Variants in ZBTB20 observed in about 807,000 individuals in gnomAD.
The protein encoded by ZBTB20 is zinc finger and BTB domain containing 20.
A neutral mutation model predicts 56.9 loss-of-function variants in ZBTB20; 9 were observed. The observed-to-expected ratio is 0.16, with a 90% CI of 0.10 to 0.28. The LOEUF (loss-of-function observed/expected upper bound fraction) is 0.28, where lower values mean the gene tolerates loss of function less well. ZBTB20 is among the 10% of genes least tolerant of loss of function. ZBTB20 has a pLI of 1.00. For missense variants in ZBTB20, 655 were observed against 1,003.0 expected (o/e 0.65, Z 4.69); for synonymous variants, 417 against 420.7 (o/e 0.99, Z 0.11).
intron 7 of ZBTB20, among the ~76,000 whole-genome samples, chr3:114,444,426 TC>T (rs2091136149): frequency 6.6e-6 from 1 of 152,162 alleles, no homozygotes; most frequent in Non-Finnish European, 1.5e-5. Flanking sequence ...CCCTGCCACA[TC>T]CGAGGTGAGG....
rs970077758 is a variant in ZBTB20, at chr3:115,127,331, T to G, written c.-703+19888A>C. On this transcript the variant is annotated intron_variant, in intron 1 of 11. Coordinates refer to ENST00000675478, the MANE Select transcript of ZBTB20 (RefSeq NM_001348800.3). ...CAGTTCAGGTGTGGTAGCTCACATT[T>G]GTAATCCCAGCACTTTGGGAGGCTA... is the stretch of plus-strand genomic sequence containing the variant. 2.6e-5 allele frequency among the ~76,000 whole-genome samples: 4 copies of G among 152,222 alleles called. No homozygotes were observed. In the East Asian group the frequency reaches 7.7e-4, roughly 29 times the overall value.
intron 2 of ZBTB20, among the ~76,000 whole-genome samples, chr3:115,009,116 T>A (rs2108252463): frequency 6.6e-6 from 1 of 152,080 alleles, no homozygotes; most frequent in East Asian, 1.9e-4. Context: ...TGTTCTTGAA[T>A]TTTCTTCTGT....
At chr3:114,923,037 T>A (rs2076019014) in intron 3 of ZBTB20, among the ~76,000 whole-genome samples, 1 of 152,112 alleles carries the variant, frequency 6.6e-6, no homozygotes, top group Non-Finnish European at 1.5e-5. Flanking sequence ...GATGAAGAAT[T>A]GGTACACTGA....
At chr3:114,830,987 A>C (rs1392090993) in intron 4 of ZBTB20, among the ~76,000 whole-genome samples, 1 of 151,596 alleles carries the variant, frequency 6.6e-6, no homozygotes, top group East Asian at 1.9e-4. Context: ...TATCTCCTGC[A>C]ATTCCTACCT....
chr3:114,380,959 G>A lies in ZBTB20; in HGVS notation c.-153-19C>T, dbSNP rs1478616532. 1 of 442,286 alleles carries A rather than the reference G, an allele frequency of 2.3e-6. No homozygotes were observed. The highest frequency in any genetic ancestry group is 3.9e-6 in the Non-Finnish European group (1 of 258,308). 27.4% of individuals were successfully genotyped at this position (442,286 alleles called of 1,614,324 possible). On this transcript the variant is annotated intron_variant, in intron 8 of 11. Coordinates refer to ENST00000675478, the MANE Select transcript of ZBTB20 (RefSeq NM_001348800.3). ...TCCTCATCTGTAAAATAAAGGGCTT[G>A]GATTAGAAGGCCTTAAAGGTTCCTT...
chr3:115,041,622 T>C (rs1432072243), intron 2 of ZBTB20, among the ~76,000 whole-genome samples: 2 of 152,304 alleles, frequency 1.3e-5, no homozygotes, highest in Non-Finnish European at 2.9e-5. Context: ...TTATGACCAA[T>C]ATTTAGTTAT....
intron 4 of ZBTB20, among the ~76,000 whole-genome samples, chr3:114,854,815 T>C (rs2075166183): frequency 6.6e-6 from 1 of 152,238 alleles, no homozygotes; most frequent in South Asian, 2.1e-4. Context: ...AATGGATACA[T>C]TGCTGCACTC....
chr3:114,590,284 C>T (rs767492766), intron 6 of ZBTB20, among the ~76,000 whole-genome samples: 8 of 151,782 alleles, frequency 5.3e-5, no homozygotes, highest in Admixed American at 2.6e-4. Flanking sequence ...GGTGAAACCC[C>T]GTCTCTACTA....
At chr3:114,374,342 G>A (rs147537461) in intron 10 of ZBTB20, among the ~76,000 whole-genome samples, 46 of 152,314 alleles carry the variant, frequency 3.0e-4, no homozygotes, top group African/African-American at 1.1e-3. Flanking sequence ...AGAGCACTTA[G>A]TTGTACCAAA....
At chr3:114,599,710 C>T (rs1420239189) in intron 6 of ZBTB20, among the ~76,000 whole-genome samples, 1 of 151,980 alleles carries the variant, frequency 6.6e-6, no homozygotes. Flanking sequence ...ATTATTGTTG[C>T]TGTTATTCCC....
At chr3:114,918,955 T>C (rs1459513670) in intron 3 of ZBTB20, among the ~76,000 whole-genome samples, 2 of 152,306 alleles carry the variant, frequency 1.3e-5, no homozygotes, top group South Asian at 2.1e-4. Flanking sequence ...GTTGCAGTCC[T>C]TGTGGCTCAG....
intron 6 of ZBTB20, among the ~76,000 whole-genome samples, chr3:114,502,576 G>A (rs2044127077): frequency 6.6e-6 from 1 of 152,136 alleles, no homozygotes; most frequent in South Asian, 2.1e-4. Context: ...TTTTAGGCAA[G>A]AGAATTAGAT....
rs937696165 is a variant in ZBTB20, at chr3:114,338,710, A to G, written c.*295T>C. The G allele has an allele frequency of 3.8e-6, 1 of 260,688 alleles. No homozygotes were observed. The highest frequency in any genetic ancestry group is 6.7e-5 in the East Asian group (1 of 14,820). The allele number at this position is 260,688 out of a possible 1,614,324, so 16.1% of individuals were successfully genotyped here. A position where few individuals can be genotyped will look rare whatever the true frequency, so the allele number is the denominator to read the frequency against. ...TTTTTTGTAAAGAAGGGTTGTATTTAGAGGCCAGTAGCTAGAGATCCAACC... is the reference window on the plus strand; with the variant it reads ...TTTTTTGTAAAGAAGGGTTGTATTTGGAGGCCAGTAGCTAGAGATCCAACC... On this transcript the variant is annotated 3_prime_UTR_variant, in exon 12 of 12. Transcript: ENST00000675478.
intron 5 of ZBTB20, among the ~76,000 whole-genome samples, chr3:114,755,928 T>A (rs2067978484): frequency 6.6e-6 from 1 of 152,216 alleles, no homozygotes; most frequent in Admixed American, 6.5e-5. Flanking sequence ...AACAAGCTTT[T>A]CTCTTTAACT....
intron 6 of ZBTB20, among the ~76,000 whole-genome samples, chr3:114,533,566 A>C (rs1269675612): frequency 6.6e-6 from 1 of 152,190 alleles, no homozygotes; most frequent in Non-Finnish European, 1.5e-5. Context: ...AAAATTCTTC[A>C]GGATATTATC....
At chr3:115,008,640 G>A (rs1560486759) in intron 2 of ZBTB20, among the ~76,000 whole-genome samples, 1 of 151,852 alleles carries the variant, frequency 6.6e-6, no homozygotes, top group Non-Finnish European at 1.5e-5. Context: ...GTAACTTAAT[G>A]AAAAAGTGTG....
rs11720855 is a variant in ZBTB20 at position 114,325,449 on chromosome 3, C to T, written c.*13556G>A. The T allele has an allele frequency of 3.3e-5, 5 of 152,122 alleles. No individual in the cohort carries two copies. The highest frequency in any genetic ancestry group is 9.7e-5 in the African/African-American group (4 of 41,442). 9.4% of individuals were successfully genotyped at this position (152,122 alleles called of 1,614,324 possible). A position where few individuals can be genotyped will look rare whatever the true frequency, so the allele number is the denominator to read the frequency against. The stretch of plus-strand genomic sequence containing the variant: ...CAGTGATCTCTCTGTACACTCCTCT[C>T]GGGCCCGGATAGCACATTAGGTATA... On this transcript the variant is annotated 3_prime_UTR_variant, in exon 12 of 12. Transcript: ENST00000675478.
intron 5 of ZBTB20, among the ~76,000 whole-genome samples, chr3:114,735,199 T>C (rs1271132264): frequency 6.6e-6 from 1 of 152,144 alleles, no homozygotes. Context: ...TTCAATATGA[T>C]AAATAATCTG....
At chr3:114,795,467 G>A (rs960655528) in intron 5 of ZBTB20, among the ~76,000 whole-genome samples, 1 of 152,062 alleles carries the variant, frequency 6.6e-6, no homozygotes, top group Non-Finnish European at 1.5e-5. Flanking sequence ...TTTGAATACA[G>A]AAAGTCTGAT....
Sources: allele counts gnomAD v4.1 joint callset (sites outside exome capture counted in the v4.1 genomes callset), GRCh38; gene constraint gnomAD v4.1.1; transcripts MANE v1.5; gene names NCBI Gene and HGNC (gene_info 2026-07-23, HGNC 2026-07-21).